CDIN1: variants seen among roughly 807,000 people sequenced by gnomAD.
The protein encoded by CDIN1 is CDAN1 interacting nuclease 1.
In CDIN1, 33 loss-of-function variants were observed where a neutral mutation model predicts 45.3. The observed-to-expected ratio is 0.73, with a 90% CI of 0.55 to 0.97. The LOEUF (loss-of-function observed/expected upper bound fraction) is 0.97, where lower values mean the gene tolerates loss of function less well. CDIN1 is among the 50% of genes least tolerant of loss of function. The probability of loss-of-function intolerance (pLI) is 0.00; values close to 1 mark genes in which losing one functional copy is unlikely to be tolerated. For missense variants in CDIN1, 303 were observed against 339.4 expected (o/e 0.89, Z 0.84); for synonymous variants, 118 against 124.4 (o/e 0.95, Z 0.34).
intron 3 of CDIN1, among the ~76,000 whole-genome samples, chr15:36,648,178 G>C (rs571324867): frequency 6.6e-6 from 1 of 152,190 alleles, no homozygotes; most frequent in East Asian, 1.9e-4. Context: ...GCCCATAATT[G>C]TGCCACTCAG....
At chr15:36,588,648 GTTTTC>G (rs1383946303) in intron 1 of CDIN1, among the ~76,000 whole-genome samples, 2 of 151,852 alleles carry the variant, frequency 1.3e-5, no homozygotes, top group East Asian at 1.9e-4. Context: ...TATTTCATGT[GTTTTC>G]TTTAGTGATC....
At chr15:36,722,972 TG>T in intron 10 of CDIN1, among the ~76,000 whole-genome samples, 1 of 129,434 alleles carries the variant, frequency 7.7e-6, no homozygotes, top group Non-Finnish European at 1.6e-5. Flanking sequence ...TGTGTGTGTG[TG>T]TGTGTGTGTG....
intron 8 of CDIN1, among the ~76,000 whole-genome samples, chr15:36,703,492 A>G (rs920725688): frequency 1.4e-5 from 2 of 139,914 alleles, no homozygotes; most frequent in East Asian, 4.7e-4. Flanking sequence ...ATTTGGGGTC[A>G]CATTACTGCC....
chr15:36,714,792 C>G (rs1360811058), intron 10 of CDIN1, among the ~76,000 whole-genome samples: 4 of 152,194 alleles, frequency 2.6e-5, no homozygotes, highest in Non-Finnish European at 5.9e-5. Context: ...GTTGTCTGCC[C>G]TCTTATCAGG....
At chr15:36,625,833 C>A (rs1416622910) in intron 1 of CDIN1, among the ~76,000 whole-genome samples, 1 of 152,056 alleles carries the variant, frequency 6.6e-6, no homozygotes, top group Non-Finnish European at 1.5e-5. Flanking sequence ...TAGCAAAATA[C>A]CATAGATTGG....
At chr15:36,616,969 T>G (rs1225351488) in intron 1 of CDIN1, 3 of 589,852 alleles carry the variant, frequency 5.1e-6, no homozygotes, top group Admixed American at 5.0e-5. Flanking sequence ...TGTAAAAGTA[T>G]TATACCTTTT....
rs531501352 is a variant in CDIN1, at chr15:36,793,005, T to C, written c.717-15319T>C. Reference sequence around the variant, plus strand: ...CCCCCTGATCTTTCTCTCCACTCGATCTGCATGTGGCTCTTCCTTGAAGTA... The same window carrying C: ...CCCCCTGATCTTTCTCTCCACTCGACCTGCATGTGGCTCTTCCTTGAAGTA... On this transcript the variant is annotated intron_variant, in intron 10 of 10. Transcript: ENST00000566621. Among the ~76,000 whole-genome samples, 35 of 152,278 alleles carry C rather than the reference T, an allele frequency of 2.3e-4. No individual in the cohort carries two copies. In the South Asian group the frequency reaches 7.1e-3, roughly 31 times the overall value.
At chr15:36,583,362 C>T (rs530653255) in intron 1 of CDIN1, among the ~76,000 whole-genome samples, 2 of 152,140 alleles carry the variant, frequency 1.3e-5, no homozygotes, top group African/African-American at 2.4e-5. Flanking sequence ...TTTCCTCTTA[C>T]TGTGACTTCT....
intron 10 of CDIN1, among the ~76,000 whole-genome samples, chr15:36,716,575 G>A (rs1027902820): frequency 1.3e-5 from 2 of 152,070 alleles, no homozygotes; most frequent in East Asian, 1.9e-4. Context: ...ATCACATGCG[G>A]GTTGTTTTTA....
At chr15:36,763,756 A>G (rs1028664736) in intron 10 of CDIN1, among the ~76,000 whole-genome samples, 1 of 152,136 alleles carries the variant, frequency 6.6e-6, no homozygotes, top group Non-Finnish European at 1.5e-5. Context: ...TTCTCTGTGT[A>G]GAGTTCAACT....
chr15:36,585,250 G>A (rs966802311), intron 1 of CDIN1, among the ~76,000 whole-genome samples: 2 of 152,110 alleles, frequency 1.3e-5, no homozygotes, highest in African/African-American at 2.4e-5. Flanking sequence ...ACCATGGTAC[G>A]ATTGTCAAAA....
chr15:36,613,864 T>C (rs2038763159), intron 1 of CDIN1: 2 of 1,585,736 alleles, frequency 1.3e-6, no homozygotes, highest in African/African-American at 1.3e-5. Flanking sequence ...AGGTGGCTTG[T>C]AAGTGGGTGA....
At chr15:36,784,111 A>C (rs1220487144) in intron 10 of CDIN1, among the ~76,000 whole-genome samples, 1 of 152,214 alleles carries the variant, frequency 6.6e-6, no homozygotes, top group African/African-American at 2.4e-5. Context: ...CAAAGCTGTA[A>C]GGCTGAAAAT....
At chr15:36,654,867 CT>C (rs935434783) in intron 4 of CDIN1, among the ~76,000 whole-genome samples, 7 of 152,228 alleles carry the variant, frequency 4.6e-5, no homozygotes, top group African/African-American at 1.7e-4. Flanking sequence ...AATTCCTAAA[CT>C]TTAAAATATT....
intron 10 of CDIN1, among the ~76,000 whole-genome samples, chr15:36,731,271 T>C (rs2043824007): frequency 6.6e-6 from 1 of 152,172 alleles, no homozygotes; most frequent in Admixed American, 6.5e-5. Flanking sequence ...TCCTGTGTCA[T>C]ACTTTTAAAA....
chr15:36,740,062 CA>C (rs2044175814), intron 10 of CDIN1, among the ~76,000 whole-genome samples: 2 of 152,280 alleles, frequency 1.3e-5, no homozygotes, highest in East Asian at 1.9e-4. Flanking sequence ...GCTCTCCAAA[CA>C]AAAGTTGGGG....
chr15:36,782,195 C>T (rs1185065768), intron 10 of CDIN1, among the ~76,000 whole-genome samples: 1 of 151,836 alleles, frequency 6.6e-6, no homozygotes, highest in Non-Finnish European at 1.5e-5. Flanking sequence ...TCTCATTTCT[C>T]ATAATTTATA....
intron 10 of CDIN1, 32 bp from the exon 11 acceptor site, chr15:36,808,290 CAT>C: frequency 6.2e-7 from 1 of 1,610,864 alleles, no homozygotes; most frequent in Non-Finnish European, 8.5e-7. Context: ...CTGTTGATAC[CAT>C]GTGTGTGTGT....
chr15:36,686,716 T>TA (rs924322206), intron 5 of CDIN1, among the ~76,000 whole-genome samples: 17 of 143,970 alleles, frequency 1.2e-4, no homozygotes, highest in Admixed American at 8.5e-4. Context: ...CCGTCTCTAC[T>TA]AAAAAAAATA....
Sources: allele counts gnomAD v4.1 joint callset (sites outside exome capture counted in the v4.1 genomes callset), GRCh38; gene constraint gnomAD v4.1.1; transcripts MANE v1.5; gene names NCBI Gene and HGNC (gene_info 2026-07-23, HGNC 2026-07-21).